The following WDR49 variants were observed in gnomAD, a reference collection of about 807,000 sequenced individuals.
WDR49 encodes the protein WD repeat domain 49.
Under a neutral mutation model 119.5 loss-of-function variants are expected in WDR49, and 107 were observed. That is an observed-to-expected ratio of 0.90 (90% CI 0.77 to 1.05). WDR49 has a LOEUF of 1.05. Ranked by LOEUF, WDR49 falls within the 50% of genes least tolerant of loss-of-function variation. The pLI, the probability that WDR49 is intolerant of heterozygous loss-of-function variation, is 0.00. For synonymous variants in WDR49, 425 were observed against 418.8 expected (o/e 1.01, Z -0.18); for missense variants, 1,240 against 1,220.5 (o/e 1.02, Z -0.24).
intron 18 of WDR49, among the ~76,000 whole-genome samples, chr3:167,482,892 T>C (rs1301741810): frequency 1.3e-5 from 2 of 152,134 alleles, no homozygotes; most frequent in African/African-American, 4.8e-5. Context: ...AGAAACCTTG[T>C]TTATGATAAA....
intron 8 of WDR49, among the ~76,000 whole-genome samples, chr3:167,569,505 T>C (rs926655218): frequency 2.0e-5 from 3 of 151,938 alleles, no homozygotes; most frequent in Admixed American, 6.6e-5. Flanking sequence ...TTGTTGCAAA[T>C]ATCCAAAAAA....
intron 16 of WDR49, among the ~76,000 whole-genome samples, chr3:167,514,220 C>T (rs1020632581): frequency 2.0e-5 from 3 of 152,134 alleles, no homozygotes; most frequent in Admixed American, 2.0e-4. Context: ...TAAAACACTC[C>T]TCAGCAAATG....
intron 15 of WDR49, among the ~76,000 whole-genome samples, chr3:167,525,890 CTTTCCTTTCCCTCT>C (rs1424701931): frequency 1.3e-5 from 2 of 151,284 alleles, no homozygotes; most frequent in East Asian, 1.9e-4. Flanking sequence ...TCTCCTCTCT[CTTTCCTTTCCCTCT>C]TTTCCTTTCC....
At chr3:167,519,817 A>T (rs1752365955) in intron 16 of WDR49, among the ~76,000 whole-genome samples, 1 of 152,180 alleles carries the variant, frequency 6.6e-6, no homozygotes. Context: ...AACCCTATAT[A>T]TCAGCACTGA....
intron 10 of WDR49, among the ~76,000 whole-genome samples, chr3:167,540,058 G>C (rs753078240): frequency 2.6e-5 from 4 of 152,094 alleles, no homozygotes; most frequent in Non-Finnish European, 5.9e-5. Context: ...TTTCTCAAAA[G>C]CACCACCTCC....
intron 2 of WDR49, among the ~76,000 whole-genome samples, chr3:167,652,780 A>G (rs973063738): frequency 1.3e-5 from 2 of 152,200 alleles, no homozygotes; most frequent in Non-Finnish European, 2.9e-5. Context: ...AAGTGCCAGA[A>G]TCAGCTTAGA....
intron 16 of WDR49, among the ~76,000 whole-genome samples, chr3:167,513,098 G>C (rs1752050176): frequency 6.6e-6 from 1 of 152,080 alleles, no homozygotes; most frequent in African/African-American, 2.4e-5. Context: ...AAGAAATCCA[G>C]AGAACCCCAG....
intron 2 of WDR49, among the ~76,000 whole-genome samples, chr3:167,646,666 C>T (rs1191121976): frequency 6.6e-6 from 1 of 152,072 alleles, no homozygotes; most frequent in East Asian, 1.9e-4. Context: ...AAATGTAGCA[C>T]ATATTGAAGA....
intron 6 of WDR49, 74 bp downstream of exon 6, chr3:167,604,227 G>C: frequency 6.5e-7 from 1 of 1,532,306 alleles, no homozygotes. Flanking sequence ...AGGTAGCAAA[G>C]GCTCCATGCA....
At chr3:167,623,807 A>C (rs1281350498) in intron 3 of WDR49, among the ~76,000 whole-genome samples, 1 of 152,052 alleles carries the variant, frequency 6.6e-6, no homozygotes, top group Non-Finnish European at 1.5e-5. Flanking sequence ...ATATATAGGA[A>C]ATTTTAGAAA....
chr3:167,640,789 TG>T (rs1717844760), intron 2 of WDR49, among the ~76,000 whole-genome samples: 1 of 151,648 alleles, frequency 6.6e-6, no homozygotes, highest in Non-Finnish European at 1.5e-5. Context: ...GAGAAGGAAA[TG>T]GTGGTTGAAA....
intron 10 of WDR49, among the ~76,000 whole-genome samples, chr3:167,547,085 G>A (rs556358316): frequency 2.0e-5 from 3 of 151,752 alleles, no homozygotes; most frequent in African/African-American, 7.2e-5. Flanking sequence ...CCTCCAATAT[G>A]GCTATTCTAA....
intron 10 of WDR49, among the ~76,000 whole-genome samples, chr3:167,552,680 A>G (rs1712644132): frequency 6.6e-6 from 1 of 151,464 alleles, no homozygotes; most frequent in Admixed American, 6.6e-5. Flanking sequence ...TAAGACCTGA[A>G]GACAGATATT....
intron 16 of WDR49, among the ~76,000 whole-genome samples, chr3:167,512,261 C>G (rs1752005331): frequency 6.6e-6 from 1 of 152,232 alleles, no homozygotes; most frequent in Middle Eastern, 3.4e-3. Flanking sequence ...GAGCAGGCAG[C>G]CATCTTTGCT....
At chr3:167,629,274 A>G (rs1717261752) in intron 2 of WDR49, among the ~76,000 whole-genome samples, 2 of 152,092 alleles carry the variant, frequency 1.3e-5, no homozygotes, top group Admixed American at 1.3e-4. Flanking sequence ...GTGAAATAAC[A>G]AAGCCTGAAT....
chr3:167,654,508 T>C (rs1025974269), upstream of WDR49, among the ~76,000 whole-genome samples: 3 of 152,216 alleles, frequency 2.0e-5, no homozygotes, highest in Non-Finnish European at 4.4e-5. Context: ...GTATTAACCA[T>C]GTGCCAGGCA....
intron 18 of WDR49, among the ~76,000 whole-genome samples, chr3:167,487,490 C>T (rs756875153): frequency 1.3e-4 from 20 of 151,880 alleles, no homozygotes; most frequent in Non-Finnish European, 1.9e-4. Context: ...TTGGCTAAGC[C>T]CCCAAAAGCA....
At chr3:167,540,367 C>T (rs1175494215) in intron 10 of WDR49, among the ~76,000 whole-genome samples, 3 of 152,168 alleles carry the variant, frequency 2.0e-5, no homozygotes, top group African/African-American at 7.2e-5. Context: ...TCAGAGGACT[C>T]TTTGCAGACA....
chr3:167,501,020 G>A (rs887442464), intron 17 of WDR49, among the ~76,000 whole-genome samples: 5 of 152,144 alleles, frequency 3.3e-5, no homozygotes, highest in Non-Finnish European at 5.9e-5. Context: ...CTATGTCAGT[G>A]GATTTCAAAC....
Sources: allele counts gnomAD v4.1 joint callset (sites outside exome capture counted in the v4.1 genomes callset), GRCh38; gene constraint gnomAD v4.1.1; transcripts MANE v1.5; gene names NCBI Gene and HGNC (gene_info 2026-07-23, HGNC 2026-07-21).